The following TMEM181 variants were observed in gnomAD, a reference collection of about 807,000 sequenced individuals.
TMEM181 encodes the protein transmembrane protein 181.
Under a neutral mutation model 71.9 loss-of-function variants are expected in TMEM181, and 39 were observed. The ratio of observed to expected loss-of-function variants is 0.54; its 90% CI spans 0.42 to 0.71. The LOEUF (loss-of-function observed/expected upper bound fraction) is 0.71. TMEM181 is among the 30% of genes least tolerant of loss of function. The pLI, the probability that TMEM181 is intolerant of heterozygous loss-of-function variation, is 0.00. For missense variants in TMEM181, 595 were observed against 583.0 expected, an observed-to-expected ratio of 1.02 and a Z score of -0.21; for synonymous variants, 245 against 228.8, an observed-to-expected ratio of 1.07 and a Z score of -0.64.
chr6:158,561,822 G>T (rs1782196550), intron 1 of TMEM181, among the ~76,000 whole-genome samples: 1 of 152,148 alleles, frequency 6.6e-6, no homozygotes, highest in African/African-American at 2.4e-5. Flanking sequence ...GGAGGGGGAT[G>T]AGGGTATCTG....
At position 158,608,686 on chromosome 6, in the gene TMEM181, T is replaced by G. The variant is rs1425018186; in HGVS notation, c.832T>G (p.Leu278Val). The G allele has an allele frequency of 2.5e-6, 4 of 1,611,706 alleles. No homozygotes were observed. In the East Asian group the frequency reaches 8.9e-5, roughly 36 times the overall value. Residue 278 changes from leucine to valine, a missense_variant, in exon 10 of 17, where the codon TTG (leucine) becomes GTG (valine). Transcript: ENST00000684151. ...QGERKCLTFYLPKFFIVGLLW... is the reference protein window; with the variant it reads ...QGERKCLTFYVPKFFIVGLLW... ...AGAAAGAAAGTGTTTAACTTTCTAT[T>G]TGCCTAAATTCTTCATTGTTGGACT...
chr6:158,608,320 C>T lies in TMEM181; in HGVS notation c.674-13C>T. 2 of 1,614,108 alleles carry T rather than the reference C, an allele frequency of 1.2e-6. No homozygotes were observed. Among genetic ancestry groups the T allele is most frequent in the East Asian group, 2.2e-5 (1 of 44,872 alleles). ...CCTGTTTTCCACATGGATTTCTGCCCTTTGTGTTCCAGATCCGTTCTTCCC... is the reference window on the plus strand; with the variant it reads ...CCTGTTTTCCACATGGATTTCTGCCTTTTGTGTTCCAGATCCGTTCTTCCC... On this transcript the variant is annotated splice_polypyrimidine_tract_variant and intron_variant, in intron 8 of 16. Transcript: ENST00000684151.
intron 6 of TMEM181, among the ~76,000 whole-genome samples, chr6:158,593,291 G>A (rs558855885): frequency 6.6e-6 from 1 of 152,160 alleles, no homozygotes; most frequent in Non-Finnish European, 1.5e-5. Flanking sequence ...TTTAAGACAA[G>A]AAAAGCACGT....
At chr6:158,630,070 G>T (rs1165670975) in intron 15 of TMEM181, among the ~76,000 whole-genome samples, 1 of 152,192 alleles carries the variant, frequency 6.6e-6, no homozygotes, top group Admixed American at 6.5e-5. Context: ...CCCAGCTTTT[G>T]CTGTTCAGTT....
At chr6:158,598,549 C>T (rs1041465109) in intron 6 of TMEM181, among the ~76,000 whole-genome samples, 1 of 152,130 alleles carries the variant, frequency 6.6e-6, no homozygotes, top group Non-Finnish European at 1.5e-5. Flanking sequence ...CTGAGTGCTG[C>T]CCGGCTTCTC....
intron 13 of TMEM181, among the ~76,000 whole-genome samples, chr6:158,627,467 AAGG>A (rs1464283530): frequency 9.9e-5 from 15 of 152,216 alleles, no homozygotes; most frequent in Non-Finnish European, 4.4e-5. Flanking sequence ...CAGACGAAAC[AAGG>A]AGATGTGACT....
intron 1 of TMEM181, among the ~76,000 whole-genome samples, chr6:158,573,128 C>G (rs1175055219): frequency 6.6e-6 from 1 of 152,166 alleles, no homozygotes; most frequent in Non-Finnish European, 1.5e-5. Context: ...AGGAGCCCCC[C>G]TAGTGCATTC....
chr6:158,566,318 G>T (rs991448653), intron 1 of TMEM181, among the ~76,000 whole-genome samples: 1 of 151,718 alleles, frequency 6.6e-6, no homozygotes, highest in East Asian at 1.9e-4. Flanking sequence ...GCATCCTCTC[G>T]CAAGCCCGAG....
intron 1 of TMEM181, among the ~76,000 whole-genome samples, chr6:158,539,189 C>G (rs1048442982): frequency 6.6e-6 from 1 of 152,174 alleles, no homozygotes; most frequent in Non-Finnish European, 1.5e-5. Flanking sequence ...CTGCCCCGCC[C>G]CCCGCCATGA....
At position 158,626,257 on chromosome 6, in the gene TMEM181, C is replaced by T. The variant is rs989973377; in HGVS notation, c.1109+503C>T. Among the ~76,000 whole-genome samples, 6 of 152,290 alleles carry T rather than the reference C, an allele frequency of 3.9e-5. No individual in the cohort carries two copies. In the South Asian group the frequency reaches 1.2e-3, roughly 32 times the overall value. On this transcript the variant is annotated intron_variant, in intron 13 of 16. Transcript: ENST00000684151. ...GGGCAGGCTCGGCCTGGCCTGAGTG[C>T]CCCAGACCTCCCTGGGGACCGGTGC... is the stretch of plus-strand genomic sequence containing the variant.
At chr6:158,631,031 C>T (rs538097730) in intron 15 of TMEM181, among the ~76,000 whole-genome samples, 3 of 152,368 alleles carry the variant, frequency 2.0e-5, no homozygotes, top group African/African-American at 7.2e-5. Context: ...GCTCCCCACT[C>T]CTTGTGTCAA....
At chr6:158,617,287 C>G (rs576315712) in intron 10 of TMEM181, among the ~76,000 whole-genome samples, 339 of 152,094 alleles carry the variant, frequency 2.2e-3, no homozygotes, top group African/African-American at 7.8e-3. Context: ...GTTTATAGTA[C>G]TCTCTGATGG....
Position 158,620,413 on chromosome 6 carries a change from C to T in TMEM181, c.897-3137C>T, listed in dbSNP as rs1163981960. 6.6e-6 allele frequency among the ~76,000 whole-genome samples: 1 copy of T among 152,126 alleles called. No homozygotes were observed. The highest frequency in any genetic ancestry group is 2.4e-5 in the African/African-American group (1 of 41,412). On this transcript the variant is annotated intron_variant, in intron 10 of 16. Transcript: ENST00000684151. This position sits in a 1 kb window ranked among gnomAD's most constrained non-coding sequence, Gnocchi z 4.5. ...AAAGCCAGGAGAAGGCAGATCTTAC[C>T]AGTCAGCTGAATTAGTGTCTGATGT...
chr6:158,544,182 A>AGAGAGAGAGAGAGTGTGTGTGTGTGTGT (rs149735409), intron 1 of TMEM181, among the ~76,000 whole-genome samples: 13 of 127,560 alleles, frequency 1.0e-4, no homozygotes, highest in Non-Finnish European at 1.8e-4. Context: ...AATTGGAGAG[A>AGAGAGAGAGAGAGTGTGTGTGTGTGTGT]GTGTGTGTGT....
chr6:158,572,872 G>T (rs1782943542), intron 1 of TMEM181, among the ~76,000 whole-genome samples: 1 of 132,254 alleles, frequency 7.6e-6, no homozygotes, highest in African/African-American at 2.9e-5. Context: ...GAATGGCAGA[G>T]GGAGGAGTGG....
At chr6:158,565,365 T>C (rs1441799388) in intron 1 of TMEM181, among the ~76,000 whole-genome samples, 2 of 152,036 alleles carry the variant, frequency 1.3e-5, no homozygotes, top group African/African-American at 2.4e-5. Flanking sequence ...GCTCAGTGCA[T>C]CTAGTGGGGA....
Position 158,550,588 on chromosome 6 carries a change from G to A in TMEM181, c.131+13723G>A, listed in dbSNP as rs147315393. Reference sequence around the variant, plus strand: ...AGATAATTGCTTGAACTTGGGAGGTGGAGGTTGCAATGAGCCGAGATGGCG... The same window carrying A: ...AGATAATTGCTTGAACTTGGGAGGTAGAGGTTGCAATGAGCCGAGATGGCG... On this transcript the variant is annotated intron_variant, in intron 1 of 16. Transcript: ENST00000367090. Among the ~76,000 whole-genome samples the A allele has an allele frequency of 7.9e-3, 1,197 of 151,936 alleles. 7 individuals are homozygous for A. Among genetic ancestry groups the A allele is most frequent in the Non-Finnish European group, 1.0e-2 (679 of 67,928 alleles).
At position 158,634,544 on chromosome 6, in the gene TMEM181, T is replaced by C. The variant is rs983023251; in HGVS notation, c.*2656T>C. 5 of 152,210 alleles carry C rather than the reference T, an allele frequency of 3.3e-5. No homozygotes were observed. Among genetic ancestry groups the C allele is most frequent in the Non-Finnish European group, 2.9e-5 (2 of 68,020 alleles). 9.4% of individuals were successfully genotyped at this position (152,210 alleles called of 1,614,324 possible). The stretch of plus-strand genomic sequence containing the variant: ...GAAGATGACCAGAGGTATTTCAGTT[T>C]CCCTAGGGAGAGCTTCGTTATCCAT... On this transcript the variant is annotated 3_prime_UTR_variant, in exon 17 of 17. Transcript: ENST00000684151.
At position 158,633,251 on chromosome 6, in the gene TMEM181, T is replaced by C. The variant is rs564480157; in HGVS notation, c.*1363T>C. 6.6e-6 allele frequency: 1 copy of C among 152,318 alleles called. No individual in the cohort carries two copies. Among genetic ancestry groups the C allele is most frequent in the African/African-American group, 2.4e-5 (1 of 41,560 alleles). The allele number at this position is 152,318 out of a possible 1,614,324, so 9.4% of individuals were successfully genotyped here. A position where few individuals can be genotyped will look rare whatever the true frequency, so the allele number is the denominator to read the frequency against. On this transcript the variant is annotated 3_prime_UTR_variant, in exon 17 of 17. Transcript: ENST00000684151. ...TCCGGAAGGGGTTCCCTGTCCTCCA[T>C]GTGTCCACATGGCGGTCAGGTAGGG...
Sources: gnomAD v4.1 joint callset for allele counts (sites outside exome capture counted in the v4.1 genomes callset) on GRCh38, gnomAD v4.1.1 for gene constraint, Gnocchi (gnomAD v3.1) non-coding constraint, MANE v1.5 for transcripts, NCBI Gene and HGNC (gene_info 2026-07-23, HGNC 2026-07-21) for gene names.